ZRANB3: variants seen among roughly 807,000 people sequenced by gnomAD.
ZRANB3 encodes zinc finger RANBP2-type containing 3.
A neutral mutation model predicts 133.8 loss-of-function variants in ZRANB3; 125 were observed. The observed-to-expected ratio is 0.93, with a 90% CI of 0.81 to 1.08. The LOEUF is 1.08. Among genes scored for constraint, ZRANB3 ranks in the 50% least tolerant of loss-of-function variants. The pLI is 0.00. For missense variants in ZRANB3, 1,229 were observed against 1,275.5 expected, an observed-to-expected ratio of 0.96 and a Z score of 0.56; for synonymous variants, 387 against 432.7, an observed-to-expected ratio of 0.89 and a Z score of 1.31.
chr2:135,290,783 TC>T (rs1454255549), intron 8 of ZRANB3, among the ~76,000 whole-genome samples: 2 of 152,062 alleles, frequency 1.3e-5, no homozygotes, highest in African/African-American at 2.4e-5. Flanking sequence ...AGTTTCATGA[TC>T]TTTTTGCGAT....
intron 6 of ZRANB3, among the ~76,000 whole-genome samples, chr2:135,329,372 T>C (rs1027659734): frequency 6.6e-6 from 1 of 152,146 alleles, no homozygotes; most frequent in African/African-American, 2.4e-5. Context: ...TGGTTGTAGA[T>C]GTGTGGTGTT....
intron 2 of ZRANB3, among the ~76,000 whole-genome samples, chr2:135,431,203 G>A (rs1275173126): frequency 6.6e-6 from 1 of 151,450 alleles, no homozygotes; most frequent in African/African-American, 2.4e-5. Context: ...CAAGTGGGAG[G>A]ATCACTTGAG....
rs757284227 is a variant in ZRANB3 at position 135,207,837 on chromosome 2, C to A, written c.2607-1G>T. 1.3e-6 allele frequency: 2 copies of A among 1,587,482 alleles called. No homozygotes were observed. The highest frequency in any genetic ancestry group is 1.7e-6 in the Non-Finnish European group (2 of 1,161,530). The stretch of plus-strand genomic sequence containing the variant: ...ACAGGCTCCATCTTCAAGAAGTTTT[C>A]TACAATTGATAAAAACACTGAATAG... On this transcript the variant is annotated splice_acceptor_variant, in intron 18 of 20. Coordinates refer to ENST00000264159, the MANE Select transcript of ZRANB3 (RefSeq NM_032143.4). LOFTEE classifies it high-confidence loss of function.
chr2:135,416,164 A>G lies in ZRANB3; in HGVS notation c.162-25344T>C, dbSNP rs539350809. On this transcript the variant is annotated intron_variant, in intron 2 of 20. Coordinates refer to ENST00000264159, the MANE Select transcript of ZRANB3 (RefSeq NM_032143.4). The stretch of plus-strand genomic sequence containing the variant: ...ATTCAATTAGGAAAAGAGGAAGTCA[A>G]GTTGTCCCTGTTTGCAGATGACATG... Among the ~76,000 whole-genome samples, 11 of 151,914 alleles carry G rather than the reference A, an allele frequency of 7.2e-5. No individual in the cohort carries two copies. The South Asian group carries it at 2.1e-3, about 29-fold the overall frequency.
chr2:135,384,532 CACA>C (rs1686872203), intron 3 of ZRANB3, among the ~76,000 whole-genome samples: 1 of 152,146 alleles, frequency 6.6e-6, no homozygotes, highest in Non-Finnish European at 1.5e-5. Flanking sequence ...GTGGCAGAGA[CACA>C]ACAAGAAAAG....
At chr2:135,499,396 A>C (rs1243925127) in intron 2 of ZRANB3, among the ~76,000 whole-genome samples, 1 of 152,218 alleles carries the variant, frequency 6.6e-6, no homozygotes, top group African/African-American at 2.4e-5. Context: ...CATTAAGACA[A>C]GGAAAAGGCA....
intron 2 of ZRANB3, among the ~76,000 whole-genome samples, chr2:135,483,617 T>C (rs1691947586): frequency 6.6e-6 from 1 of 152,046 alleles, no homozygotes; most frequent in African/African-American, 2.4e-5. Context: ...TTTCCTTCAG[T>C]TCTGCTCTGA....
At chr2:135,476,691 CTTTTTTTT>C (rs774332012) in intron 2 of ZRANB3, among the ~76,000 whole-genome samples, 9 of 135,554 alleles carry the variant, frequency 6.6e-5, no homozygotes, top group African/African-American at 2.4e-4. Context: ...ATTTCTTTTC[CTTTTTTTT>C]TTTTTTTTTC....
At chr2:135,382,607 A>G (rs1686765251) in intron 3 of ZRANB3, among the ~76,000 whole-genome samples, 1 of 152,244 alleles carries the variant, frequency 6.6e-6, no homozygotes, top group Non-Finnish European at 1.5e-5. Flanking sequence ...GGGGTTACCC[A>G]CAAAGGGAAG....
chr2:135,327,720 A>T (rs1683906198), intron 6 of ZRANB3, among the ~76,000 whole-genome samples: 1 of 152,190 alleles, frequency 6.6e-6, no homozygotes, highest in African/African-American at 2.4e-5. Context: ...ACCTTTCCAA[A>T]TACAGCTTCC....
intron 8 of ZRANB3, among the ~76,000 whole-genome samples, chr2:135,312,404 T>C (rs1683039899): frequency 6.6e-6 from 1 of 151,882 alleles, no homozygotes; most frequent in Admixed American, 6.6e-5. Flanking sequence ...TATGTAAATA[T>C]ACCTCAACAA....
intron 2 of ZRANB3, among the ~76,000 whole-genome samples, chr2:135,419,360 T>C (rs535293013): frequency 6.6e-6 from 1 of 152,026 alleles, no homozygotes; most frequent in South Asian, 2.1e-4. Flanking sequence ...TCGTAGGTTA[T>C]ATGTGACATA....
chr2:135,356,359 T>A (rs1044404496), intron 3 of ZRANB3, among the ~76,000 whole-genome samples: 2 of 152,176 alleles, frequency 1.3e-5, no homozygotes, highest in Admixed American at 6.5e-5. Flanking sequence ...TTCTACAATG[T>A]ATACATATTT....
At position 135,230,700 on chromosome 2, in the gene ZRANB3, C is replaced by T. The variant is rs760525715; in HGVS notation, c.1767G>A (p.Pro589=). 33 of 1,612,616 alleles carry T rather than the reference C, an allele frequency of 2.0e-5. No homozygotes were observed. The highest frequency in any genetic ancestry group is 1.8e-4 in the East Asian group (8 of 44,898). Residue 589 remains proline, a synonymous_variant, in exon 13 of 21, where the codon CCG becomes CCA. Transcript: ENST00000264159. ...TGGACTGGGATGGTGTCTCTTCCGACGGACTGCAGTGGTCTTCCGAGGCAG... is the reference window on the plus strand; with the variant it reads ...TGGACTGGGATGGTGTCTCTTCCGATGGACTGCAGTGGTCTTCCGAGGCAG... ...KLAASEDHCS[P]SEETPSQSKQ...
chr2:135,525,177 CA>C (rs1694099514), intron 1 of ZRANB3, among the ~76,000 whole-genome samples: 1 of 152,042 alleles, frequency 6.6e-6, no homozygotes, highest in Non-Finnish European at 1.5e-5. Context: ...TATTAAGAGA[CA>C]ATGACAGCAA....
intron 2 of ZRANB3, among the ~76,000 whole-genome samples, chr2:135,480,087 C>T (rs1394979339): frequency 6.7e-6 from 1 of 150,290 alleles, no homozygotes; most frequent in African/African-American, 2.5e-5. Context: ...GCGCCCGCCA[C>T]CATGTCAGGC....
intron 2 of ZRANB3, among the ~76,000 whole-genome samples, chr2:135,415,807 A>G (rs1284171559): frequency 8.0e-5 from 12 of 150,288 alleles, no homozygotes; most frequent in Admixed American, 2.7e-4. Flanking sequence ...TTCAATATAC[A>G]CAAATCAATA....
At chr2:135,368,673 G>A (rs768312743) in intron 3 of ZRANB3, among the ~76,000 whole-genome samples, 1 of 151,886 alleles carries the variant, frequency 6.6e-6, no homozygotes, top group Non-Finnish European at 1.5e-5. Flanking sequence ...AAATGCTTGA[G>A]GAGATGGATA....
At chr2:135,363,813 T>C (rs1220208711) in intron 3 of ZRANB3, among the ~76,000 whole-genome samples, 1 of 152,206 alleles carries the variant, frequency 6.6e-6, no homozygotes, top group Non-Finnish European at 1.5e-5. Context: ...AGAAATGGAC[T>C]TTTAAAATAA....
Sources: allele counts gnomAD v4.1 joint callset (sites outside exome capture counted in the v4.1 genomes callset), GRCh38; gene constraint gnomAD v4.1.1; transcripts MANE v1.5; gene names NCBI Gene and HGNC (gene_info 2026-07-23, HGNC 2026-07-21).